The following ARHGAP19 variants were observed in gnomAD, a reference collection of about 807,000 sequenced individuals.
ARHGAP19 encodes the protein Rho GTPase activating protein 19.
A neutral mutation model predicts 60.9 loss-of-function variants in ARHGAP19; 48 were observed. The observed-to-expected ratio is 0.79, with a 90% confidence interval of 0.62 to 1.00. The LOEUF is 1.00. Ranked by LOEUF, ARHGAP19 falls within the 50% of genes least tolerant of loss-of-function variation. The pLI, the probability that ARHGAP19 is intolerant of heterozygous loss-of-function variation, is 0.00. For missense variants in ARHGAP19, 562 were observed against 597.2 expected (o/e 0.94, Z 0.61); for synonymous variants, 209 against 215.5 (o/e 0.97, Z 0.27).
At chr10:97,259,768 C>T (rs570035180) in intron 4 of ARHGAP19, 140 bp from the exon 5 acceptor site, 143 of 644,244 alleles carry the variant, frequency 2.2e-4, no homozygotes, top group East Asian at 1.4e-3. Context: ...TCAAAGACTA[C>T]AGCAAAACAT....
chr10:97,264,767 T>G (rs1278390587), intron 3 of ARHGAP19, 59 bp downstream of exon 3: 1 of 1,353,028 alleles, frequency 7.4e-7, no homozygotes, highest in African/African-American at 1.4e-5. Flanking sequence ...CAGTTAGCTC[T>G]CAACAGAAAA....
chr10:97,264,603 T>C (rs977324488), intron 3 of ARHGAP19, among the ~76,000 whole-genome samples: 1 of 152,222 alleles, frequency 6.6e-6, no homozygotes, highest in Admixed American at 6.5e-5. Context: ...TGTGACTTCA[T>C]AGACACGGTC....
chr10:97,234,643 T>A (rs540524094), intron 9 of ARHGAP19, among the ~76,000 whole-genome samples: 1 of 152,158 alleles, frequency 6.6e-6, no homozygotes, highest in African/African-American at 2.4e-5. Flanking sequence ...TGAAGACTTA[T>A]AAATTTAATC....
intron 1 of ARHGAP19, among the ~76,000 whole-genome samples, chr10:97,285,779 C>T (rs543172465): frequency 1.1e-4 from 16 of 152,324 alleles, no homozygotes; most frequent in African/African-American, 3.8e-4. Context: ...CTCGGCCTCC[C>T]AAAGTGCTGC....
At chr10:97,291,935 C>T (rs2134940077) in intron 1 of ARHGAP19, among the ~76,000 whole-genome samples, 1 of 152,206 alleles carries the variant, frequency 6.6e-6, no homozygotes, top group East Asian at 1.9e-4. Flanking sequence ...ATGTCCTGGA[C>T]TACAGATCCC....
intron 1 of ARHGAP19, among the ~76,000 whole-genome samples, chr10:97,289,172 T>C (rs1358076816): frequency 6.8e-6 from 1 of 148,106 alleles, no homozygotes; most frequent in Non-Finnish European, 1.5e-5. Flanking sequence ...TGGAGGGCAA[T>C]GGCGCTATCT....
chr10:97,262,715 C>T (rs377130500), intron 4 of ARHGAP19, among the ~76,000 whole-genome samples: 16 of 152,092 alleles, frequency 1.1e-4, no homozygotes, highest in Admixed American at 7.2e-4. Flanking sequence ...TGCCCTCAAC[C>T]GAGGCATAGA....
At chr10:97,292,445 C>T in intron 1 of ARHGAP19, 127 bp downstream of exon 1, 1 of 1,252,670 alleles carries the variant, frequency 8.0e-7, no homozygotes, top group Non-Finnish European at 1.1e-6. Flanking sequence ...GCAGGCGCGA[C>T]GATGAGAAAC....
chr10:97,256,217 G>C, intron 6 of ARHGAP19, 101 bp downstream of exon 6: 1 of 949,530 alleles, frequency 1.1e-6, no homozygotes, highest in Non-Finnish European at 1.7e-6. Flanking sequence ...ATCCCATTCA[G>C]GACCTTTTTC....
chr10:97,256,596 A>C, intron 5 of ARHGAP19, 192 bp from the exon 6 acceptor site: 1 of 453,372 alleles, frequency 2.2e-6, no homozygotes, highest in Non-Finnish European at 3.9e-6. Context: ...GTGTCCCTGA[A>C]GTGACGAGGA....
intron 1 of ARHGAP19, among the ~76,000 whole-genome samples, chr10:97,268,105 A>G (rs1034994808): frequency 6.6e-6 from 1 of 152,176 alleles, no homozygotes; most frequent in Non-Finnish European, 1.5e-5. Context: ...TTTGCCACTT[A>G]GAAATTTCTT....
At chr10:97,284,391 G>A (rs1480408530) in intron 1 of ARHGAP19, among the ~76,000 whole-genome samples, 1 of 151,668 alleles carries the variant, frequency 6.6e-6, no homozygotes, top group Non-Finnish European at 1.5e-5. Context: ...CCAAAGTGCT[G>A]GGATTATAGG....
intron 6 of ARHGAP19, among the ~76,000 whole-genome samples, chr10:97,250,286 T>C (rs1160675197): frequency 1.3e-5 from 2 of 152,186 alleles, no homozygotes; most frequent in Non-Finnish European, 2.9e-5. Flanking sequence ...GAGTATTCAC[T>C]GTTTTACTCT....
chr10:97,241,358 T>C (rs1041444273), intron 8 of ARHGAP19, among the ~76,000 whole-genome samples: 3 of 151,496 alleles, frequency 2.0e-5, no homozygotes, highest in Non-Finnish European at 4.4e-5. Context: ...ACATCTACAC[T>C]CCAGCCTGGG....
chr10:97,229,730 A>G (rs1850968195), intron 10 of ARHGAP19, 34 bp downstream of exon 10: 29 of 1,422,702 alleles, frequency 2.0e-5, no homozygotes, highest in South Asian at 3.6e-5. Context: ...AAATATATAC[A>G]GACAGACAGA....
intron 1 of ARHGAP19, among the ~76,000 whole-genome samples, chr10:97,266,492 C>T (rs372276261): frequency 7.9e-5 from 12 of 152,330 alleles, no homozygotes; most frequent in Admixed American, 7.2e-4. Context: ...TCCACTCTTA[C>T]ATTACATTGG....
intron 5 of ARHGAP19, among the ~76,000 whole-genome samples, chr10:97,257,320 CTTT>C (rs1474060106): frequency 8.5e-6 from 1 of 117,764 alleles, no homozygotes; most frequent in Non-Finnish European, 1.7e-5. Context: ...TAGGGTCTCG[CTTT>C]GTTACCCAGA....
At chr10:97,253,412 G>C (rs1411642475) in intron 6 of ARHGAP19, among the ~76,000 whole-genome samples, 2 of 151,034 alleles carry the variant, frequency 1.3e-5, no homozygotes, top group African/African-American at 2.4e-5. Context: ...CTCATGGTGA[G>C]GGAGAAAAAG....
chr10:97,273,479 GCT>G lies in ARHGAP19; in HGVS notation c.57-7356_57-7355del, dbSNP rs909741885. ...CGCCCAGCCTATTTCATTAATTTCT[GCT>G]CTCTTTTTTTTTTTTTTTTTTTTTT... On this transcript the variant is annotated intron_variant, in intron 1 of 11. Coordinates refer to ENST00000358531, the MANE Select transcript of ARHGAP19 (RefSeq NM_032900.6). Among the ~76,000 whole-genome samples the G allele has an allele frequency of 2.9e-3, 366 of 125,410 alleles. 3 individuals carry two copies. Among genetic ancestry groups the G allele is most frequent in the Middle Eastern group, 0.012 (2 of 166 alleles). 82.3% of individuals were successfully genotyped at this position (125,410 alleles called of 152,430 possible).
Sources: gnomAD v4.1 joint callset for allele counts (sites outside exome capture counted in the v4.1 genomes callset) on GRCh38, gnomAD v4.1.1 for gene constraint, MANE v1.5 for transcripts, NCBI Gene and HGNC (gene_info 2026-07-23, HGNC 2026-07-21) for gene names.